Variants in RBMS3 observed in about 807,000 individuals in gnomAD.
The protein encoded by RBMS3 is RNA-binding motif, single-stranded-interacting protein 3.
Under a neutral mutation model 66.8 loss-of-function variants are expected in RBMS3, and 27 were observed. The ratio of observed to expected loss-of-function variants is 0.40; its 90% CI spans 0.30 to 0.56. RBMS3 has a LOEUF of 0.56. Among genes scored for constraint, RBMS3 ranks in the 20% least tolerant of loss-of-function variants. The pLI, the probability that RBMS3 is intolerant of heterozygous loss-of-function variation, is 0.40. For synonymous variants in RBMS3, 188 were observed against 183.0 expected (o/e 1.03, Z -0.22); for missense variants, 513 against 549.5 (o/e 0.93, Z 0.66).
In RBMS3 at chr3:29,859,077, G is replaced by A. The variant is rs141938654; in HGVS notation, c.638-9781G>A. Among the ~76,000 whole-genome samples, 1,048 of 152,212 alleles carry A rather than the reference G, an allele frequency of 6.9e-3. 11 individuals are homozygous for A. The highest frequency in any genetic ancestry group is 0.023 in the African/African-American group (941 of 41,540). On this transcript the variant is annotated intron_variant, in intron 6 of 14. Coordinates refer to ENST00000383767, the MANE Select transcript of RBMS3 (RefSeq NM_001003793.3). ...TGCATGAAAATTACATTTTTTCAACGTATGCTATTTTTTATTTATTTCCTC... is the reference window on the plus strand; with the variant it reads ...TGCATGAAAATTACATTTTTTCAACATATGCTATTTTTTATTTATTTCCTC...
intron 4 of RBMS3, among the ~76,000 whole-genome samples, chr3:29,653,018 G>C (rs1373814182): frequency 2.6e-5 from 4 of 152,204 alleles, no homozygotes; most frequent in South Asian, 4.1e-4. Flanking sequence ...TTCCAAATAA[G>C]CTGATTAAGA....
At chr3:29,778,479 G>C (rs2149405582) in intron 6 of RBMS3, among the ~76,000 whole-genome samples, 1 of 150,468 alleles carries the variant, frequency 6.6e-6, no homozygotes, top group East Asian at 2.0e-4. Context: ...TGTGCCAAAT[G>C]TTGTATTTAG....
At chr3:29,623,175 G>T (rs1318156551) in intron 4 of RBMS3, among the ~76,000 whole-genome samples, 3 of 142,050 alleles carry the variant, frequency 2.1e-5, no homozygotes, top group African/African-American at 7.7e-5. Flanking sequence ...TTAACTTGGG[G>T]GGGGGGGTCT....
chr3:29,306,907 C>T (rs181430962), intron 1 of RBMS3, among the ~76,000 whole-genome samples: 10 of 152,018 alleles, frequency 6.6e-5, no homozygotes, highest in African/African-American at 2.2e-4. Flanking sequence ...TCCTCTTCTT[C>T]ACTGAGTCTT....
At chr3:29,301,041 C>A (rs1407376498) in intron 1 of RBMS3, among the ~76,000 whole-genome samples, 2 of 151,810 alleles carry the variant, frequency 1.3e-5, no homozygotes, top group Non-Finnish European at 2.9e-5. Context: ...TGTGATGACT[C>A]TAAAAATAAA....
intron 3 of RBMS3, among the ~76,000 whole-genome samples, chr3:29,505,059 G>C (rs1237665494): frequency 6.6e-6 from 1 of 151,928 alleles, no homozygotes; most frequent in African/African-American, 2.4e-5. Context: ...TTTTCAGTTT[G>C]ATGTAGTCCC....
chr3:29,839,818 A>T (rs898872187), intron 6 of RBMS3, among the ~76,000 whole-genome samples: 2 of 151,830 alleles, frequency 1.3e-5, no homozygotes, highest in African/African-American at 2.4e-5. Context: ...TACTTAGAAA[A>T]AATTGTTTGA....
chr3:29,884,189 A>G lies in RBMS3; in HGVS notation c.772A>G (p.Thr258Ala), dbSNP rs749003232. Residue 258 changes from threonine (T) to alanine (A), a missense_variant, in exon 8 of 15, where the codon ACA (threonine) becomes GCA (alanine). Physicochemically the swap from Thr to Ala is moderately conservative, Grantham distance 58. Transcript: ENST00000383767. ...TGGCATGGCTTTGACCTATGACCCC[A>G]CAGCTGCCATACAGAATGGGTAAGT... ...EAGMALTYDP[T>A]AAIQNGFYSS... 1 of 1,611,782 alleles carries G rather than the reference A, an allele frequency of 6.2e-7. No homozygotes were observed. The highest frequency in any genetic ancestry group is 1.7e-4 in the Middle Eastern group (1 of 6,054).
intron 6 of RBMS3, among the ~76,000 whole-genome samples, chr3:29,854,272 C>T (rs1443639382): frequency 2.0e-5 from 3 of 152,210 alleles, no homozygotes; most frequent in Non-Finnish European, 4.4e-5. Flanking sequence ...CCGGGCCTGT[C>T]CCCGATGTCA....
At chr3:29,475,542 G>A (rs1013780933) in intron 2 of RBMS3, among the ~76,000 whole-genome samples, 3 of 152,066 alleles carry the variant, frequency 2.0e-5, no homozygotes, top group African/African-American at 4.8e-5. Context: ...GAATCACTGC[G>A]CCCAGCCAAT....
At chr3:29,792,368 T>C (rs558622966) in intron 6 of RBMS3, among the ~76,000 whole-genome samples, 10 of 152,314 alleles carry the variant, frequency 6.6e-5, no homozygotes, top group African/African-American at 2.2e-4. Context: ...TTGTTCTCCA[T>C]GTTCTGTATG....
At position 29,762,121 on chromosome 3, in the gene RBMS3, T is replaced by C. The variant is rs116998083; in HGVS notation, c.558-789T>C. On this transcript the variant is annotated intron_variant, in intron 5 of 14. Transcript: ENST00000383767. ...CAAAATGTTCATGCTTTAGGTTGTA[T>C]GTGAGATGCCAAAATTTGGCACAAG... Among the ~76,000 whole-genome samples, 46 of 152,270 alleles carry C rather than the reference T, an allele frequency of 3.0e-4. 1 individual carries two copies. In the East Asian group the frequency reaches 8.9e-3, roughly 29 times the overall value.
chr3:29,358,064 T>G (rs945728001), intron 1 of RBMS3, among the ~76,000 whole-genome samples: 6 of 152,188 alleles, frequency 3.9e-5, no homozygotes, highest in African/African-American at 1.4e-4. Flanking sequence ...ATCCCATTTG[T>G]GAATTTTGGC....
intron 5 of RBMS3, 22 bp from the exon 6 acceptor site, chr3:29,762,888 C>T (rs1417361734): frequency 2.0e-6 from 3 of 1,508,368 alleles, no homozygotes. Flanking sequence ...TATATGACCT[C>T]TGGTTTACCT....
At chr3:29,982,958 T>C (rs1253957699) in intron 12 of RBMS3, among the ~76,000 whole-genome samples, 2 of 152,236 alleles carry the variant, frequency 1.3e-5, no homozygotes, top group Non-Finnish European at 2.9e-5. Context: ...GTCCTGAATA[T>C]CCTTGTTAAT....
At chr3:29,457,849 T>A (rs985034504) in intron 2 of RBMS3, among the ~76,000 whole-genome samples, 5 of 150,544 alleles carry the variant, frequency 3.3e-5, no homozygotes, top group Non-Finnish European at 7.4e-5. Flanking sequence ...TTTTTTGACA[T>A]TAAGCCCTCA....
At chr3:29,482,701 CTTTTTTTTTTTTT>C (rs755520785) in intron 2 of RBMS3, among the ~76,000 whole-genome samples, 2 of 77,512 alleles carry the variant, frequency 2.6e-5, no homozygotes, top group Non-Finnish European at 4.6e-5. Context: ...TTCTTTCTTT[CTTTTTTTTTTTTT>C]TTTTTTTTTT....
intron 11 of RBMS3, 136 bp downstream of exon 11, chr3:29,936,332 A>C: frequency 1.2e-6 from 1 of 829,820 alleles, no homozygotes. Flanking sequence ...TTTCAGTATG[A>C]ATAAGCTGCA....
At chr3:29,551,107 A>G (rs1013468314) in intron 3 of RBMS3, among the ~76,000 whole-genome samples, 1 of 152,188 alleles carries the variant, frequency 6.6e-6, no homozygotes, top group African/African-American at 2.4e-5. Flanking sequence ...GTGGAGATGA[A>G]ATTTAAGCCT....
Sources: allele counts gnomAD v4.1 joint callset (sites outside exome capture counted in the v4.1 genomes callset), GRCh38; gene constraint gnomAD v4.1.1; transcripts MANE v1.5; gene names NCBI Gene and HGNC (gene_info 2026-07-23, HGNC 2026-07-21).